The following SEMA4D variants were observed in gnomAD, a reference collection of about 807,000 sequenced individuals.
SEMA4D encodes semaphorin-4D.
SEMA4D carries 22 observed loss-of-function variants against 74.8 expected under a neutral mutation model. The observed-to-expected ratio is 0.29, with a 90% confidence interval of 0.21 to 0.42. SEMA4D has a LOEUF of 0.42. Ranked by LOEUF, SEMA4D falls within the 10% of genes least tolerant of loss-of-function variation. The probability of loss-of-function intolerance (pLI) is 1.00; values close to 1 mark genes in which losing one functional copy is unlikely to be tolerated. For missense variants in SEMA4D, 937 were observed against 1,118.4 expected, an observed-to-expected ratio of 0.84 and a Z score of 2.31; for synonymous variants, 445 against 463.7, an observed-to-expected ratio of 0.96 and a Z score of 0.52.
chr9:89,472,731 C>T, intron 1 of SEMA4D: 1 of 157,580 alleles, frequency 6.3e-6, no homozygotes, highest in Non-Finnish European at 1.4e-5. Context: ...CCCCTTTTCC[C>T]CCATTCAACT....
intron 2 of SEMA4D, among the ~76,000 whole-genome samples, chr9:89,417,435 A>G (rs1845951299): frequency 6.6e-6 from 1 of 152,250 alleles, no homozygotes; most frequent in African/African-American, 2.4e-5. Flanking sequence ...CTAAGCTGGC[A>G]GCAGGACTCT....
chr9:89,471,992 G>A (rs1860462458), intron 1 of SEMA4D, among the ~76,000 whole-genome samples: 1 of 152,144 alleles, frequency 6.6e-6, no homozygotes, highest in South Asian at 2.1e-4. Context: ...CAGCTAGGGT[G>A]CATGCTGACT....
intron 1 of SEMA4D, among the ~76,000 whole-genome samples, chr9:89,486,022 T>C (rs1825179146): frequency 6.6e-6 from 1 of 152,188 alleles, no homozygotes; most frequent in Non-Finnish European, 1.5e-5. Flanking sequence ...CAGAACTCCA[T>C]GAGACGGATA....
intron 16 of SEMA4D, among the ~76,000 whole-genome samples, chr9:89,369,993 C>T (rs2132394837): frequency 1.3e-5 from 2 of 150,514 alleles, no homozygotes; most frequent in South Asian, 2.1e-4. Flanking sequence ...GTGTGTGTAA[C>T]AGTGGTATGA....
intron 2 of SEMA4D, among the ~76,000 whole-genome samples, chr9:89,406,764 T>C (rs1843406436): frequency 6.6e-6 from 1 of 152,142 alleles, no homozygotes; most frequent in Non-Finnish European, 1.5e-5. Context: ...GTGAGGGTCA[T>C]GGAACAACCA....
At chr9:89,490,991 A>C (rs922580298) in intron 1 of SEMA4D, among the ~76,000 whole-genome samples, 10 of 152,232 alleles carry the variant, frequency 6.6e-5, no homozygotes, top group African/African-American at 2.2e-4. Context: ...AAGCTTACCA[A>C]ATCCTGGTCT....
intron 1 of SEMA4D, among the ~76,000 whole-genome samples, chr9:89,472,906 C>G (rs1338157625): frequency 6.6e-6 from 1 of 151,850 alleles, no homozygotes; most frequent in African/African-American, 2.4e-5. Flanking sequence ...CCAGCCTGGG[C>G]AACATAGTGA....
chr9:89,417,266 A>G (rs1845912740), intron 2 of SEMA4D, among the ~76,000 whole-genome samples: 1 of 152,260 alleles, frequency 6.6e-6, no homozygotes, highest in Admixed American at 6.5e-5. Flanking sequence ...CAAATGTAAG[A>G]AAACAGAGCT....
intron 12 of SEMA4D, 45 bp downstream of exon 12, chr9:89,387,341 C>G (rs1838754839): frequency 6.7e-7 from 1 of 1,489,442 alleles, no homozygotes; most frequent in Non-Finnish European, 9.3e-7. Flanking sequence ...CCAGAGGACA[C>G]AGATGTGCTG....
intron 2 of SEMA4D, among the ~76,000 whole-genome samples, chr9:89,409,390 A>C (rs1047313403): frequency 1.3e-5 from 2 of 152,066 alleles, no homozygotes; most frequent in Non-Finnish European, 2.9e-5. Context: ...TGGCAATCCT[A>C]ATGTCCAGAT....
chr9:89,405,845 C>A (rs1843207709), intron 2 of SEMA4D, 146 bp from the exon 3 acceptor site: 1 of 1,277,684 alleles, frequency 7.8e-7, no homozygotes, highest in Non-Finnish European at 9.9e-7. Flanking sequence ...CAAAGAGAGT[C>A]TTAGAAGTGG....
In SEMA4D at chr9:89,381,243, T is replaced by C; in HGVS notation, c.1550A>G (p.Asp517Gly). 2 of 1,605,050 alleles carry C rather than the reference T, an allele frequency of 1.2e-6. No individual in the cohort carries two copies. The highest frequency in any genetic ancestry group is 1.7e-6 in the Non-Finnish European group (2 of 1,173,406). ...GTCEDCVLAR[D>G]PYCAWSPPTA... ...GGGCGGGCTCCAGGCGCAGTAGGGG[T>C]CCCGCGCCAGCACACAGTCCTCGCA... is the stretch of plus-strand genomic sequence containing the variant. Residue 517 changes from aspartate to glycine, a missense_variant, in exon 14 of 16, where the codon GAC (aspartate) becomes GGC (glycine). Asp to Gly is a moderately conservative substitution (Grantham distance 94). Coordinates refer to ENST00000422704, the MANE Select transcript of SEMA4D (RefSeq NM_001371194.2). This position sits in a 1 kb window ranked among gnomAD's most constrained non-coding sequence, Gnocchi z 4.6.
chr9:89,386,862 T>G (rs2133017554), intron 12 of SEMA4D: 1 of 228,922 alleles, frequency 4.4e-6, no homozygotes, highest in South Asian at 5.6e-5. Flanking sequence ...AGGGGGCATG[T>G]GAGGTTGGCT....
intron 2 of SEMA4D, among the ~76,000 whole-genome samples, chr9:89,446,636 G>A (rs1852935224): frequency 6.6e-6 from 1 of 152,222 alleles, no homozygotes; most frequent in South Asian, 2.1e-4. Context: ...GAGGCTCCCT[G>A]CACAAAGGAT....
chr9:89,450,661 A>G (rs13296968), intron 2 of SEMA4D: 16,880 of 67,170 alleles, frequency 0.25, 1,337 homozygotes, highest in Middle Eastern at 0.32. Flanking sequence ...AAAACCCAGG[A>G]AAAAAAAAAA....
chr9:89,430,478 G>A (rs770221800), intron 2 of SEMA4D, among the ~76,000 whole-genome samples: 6 of 152,150 alleles, frequency 3.9e-5, no homozygotes, highest in Non-Finnish European at 8.8e-5. Flanking sequence ...AGCCAGGCTC[G>A]GAGGACAAAC....
rs377360537 is a variant in SEMA4D at position 89,381,350 on chromosome 9, C to A, written c.1447-4G>T. 1 of 1,467,268 alleles carries A rather than the reference C, an allele frequency of 6.8e-7. No individual in the cohort carries two copies. Among genetic ancestry groups the A allele is most frequent in the South Asian group, 1.4e-5 (1 of 71,600 alleles). The allele number at this position is 1,467,268 out of a possible 1,614,324, so 90.9% of individuals were successfully genotyped here. On this transcript the variant is annotated splice_polypyrimidine_tract_variant and splice_region_variant and intron_variant, in intron 13 of 15. Coordinates refer to ENST00000422704, the MANE Select transcript of SEMA4D (RefSeq NM_001371194.2). This position sits in a 1 kb window ranked among gnomAD's most constrained non-coding sequence, Gnocchi z 4.6. ...CAGCATAGACAAACCTGTTGCCCTG[C>A]GTGTATGAGACAGAGAAGAACTAGC...
chr9:89,404,689 C>A (rs938753392), intron 3 of SEMA4D, among the ~76,000 whole-genome samples: 13 of 149,758 alleles, frequency 8.7e-5, no homozygotes, highest in Non-Finnish European at 1.9e-4. Context: ...GGGTCCCCAT[C>A]CCGTCCCCAG....
chr9:89,372,399 GT>G (rs1835229703), downstream of SEMA4D, among the ~76,000 whole-genome samples: 1 of 126,678 alleles, frequency 7.9e-6, no homozygotes, highest in Non-Finnish European at 1.8e-5. Flanking sequence ...TGTCGGGGGT[GT>G]GTGTGTGTCT....
Sources: gnomAD v4.1 joint callset for allele counts (sites outside exome capture counted in the v4.1 genomes callset) on GRCh38, gnomAD v4.1.1 for gene constraint, Gnocchi (gnomAD v3.1) non-coding constraint, MANE v1.5 for transcripts, NCBI Gene and HGNC (gene_info 2026-07-23, HGNC 2026-07-21) for gene names.